ZNF385D: variants seen among roughly 807,000 people sequenced by gnomAD.
ZNF385D encodes the protein zinc finger protein 659.
In ZNF385D, 15 loss-of-function variants were observed where a neutral mutation model predicts 35.8. The observed-to-expected ratio is 0.42, with a 90% confidence interval of 0.28 to 0.64. The LOEUF (loss-of-function observed/expected upper bound fraction) is 0.64. Among genes scored for constraint, ZNF385D ranks in the 30% least tolerant of loss-of-function variants. The pLI is 0.23. For synonymous variants in ZNF385D, 212 were observed against 186.8 expected, an observed-to-expected ratio of 1.13 and a Z score of -1.10; for missense variants, 474 against 494.6, an observed-to-expected ratio of 0.96 and a Z score of 0.39.
chr3:21,890,384 C>T (rs531805635), intron 3 of ZNF385D, among the ~76,000 whole-genome samples: 33 of 152,136 alleles, frequency 2.2e-4, no homozygotes, highest in African/African-American at 7.9e-4. Flanking sequence ...TTTGGGAGGC[C>T]GAGGCGGGCA....
At chr3:22,058,647 A>G (rs1699536640) in intron 3 of ZNF385D, among the ~76,000 whole-genome samples, 1 of 152,250 alleles carries the variant, frequency 6.6e-6, no homozygotes, top group Non-Finnish European at 1.5e-5. Context: ...ATTGATGCCT[A>G]AATGAAAAAA....
chr3:21,425,715 A>T, intron 5 of ZNF385D, 45 bp from the exon 6 acceptor site: 1 of 1,487,008 alleles, frequency 6.7e-7, no homozygotes, highest in East Asian at 2.4e-5. Context: ...GGGAGGAAAG[A>T]AGGGAGGGAG....
At position 21,581,357 on chromosome 3, in the gene ZNF385D, G is replaced by A. The variant is rs114930836; in HGVS notation, c.166-16673C>T. Among the ~76,000 whole-genome samples, 1,127 of 152,120 alleles carry A rather than the reference G, an allele frequency of 7.4e-3. 12 individuals carry two copies. Among genetic ancestry groups the A allele is most frequent in the African/African-American group, 0.026 (1,063 of 41,508 alleles). On this transcript the variant is annotated intron_variant, in intron 2 of 7. Transcript: ENST00000281523. ...AAGACTTCCTCTAGTCTCTAGAGTC[G>A]GCAAAGCTAATACAGTCCTTCAAGG...
intron 1 of ZNF385D, among the ~76,000 whole-genome samples, chr3:21,689,594 T>C (rs2067216647): frequency 6.6e-6 from 1 of 152,144 alleles, no homozygotes; most frequent in Admixed American, 6.6e-5. Flanking sequence ...GTATCAATCT[T>C]TGAAAACCTG....
chr3:21,771,790 A>T (rs1368022879), intron 3 of ZNF385D, among the ~76,000 whole-genome samples: 1 of 151,934 alleles, frequency 6.6e-6, no homozygotes, highest in Non-Finnish European at 1.5e-5. Context: ...TCTTGAAAAT[A>T]AATAACAAAG....
At chr3:21,895,115 T>C (rs149298410) in intron 3 of ZNF385D, among the ~76,000 whole-genome samples, 79 of 152,048 alleles carry the variant, frequency 5.2e-4, no homozygotes, top group African/African-American at 1.8e-3. Context: ...AGCAAAGACA[T>C]GCATGTTCCA....
chr3:22,093,241 AT>A (rs1700020199), intron 3 of ZNF385D, among the ~76,000 whole-genome samples: 1 of 152,098 alleles, frequency 6.6e-6, no homozygotes, highest in African/African-American at 2.4e-5. Context: ...GAAATAAAAC[AT>A]TTTTTAGAAA....
chr3:22,023,665 T>TC (rs1697358424), intron 3 of ZNF385D, among the ~76,000 whole-genome samples: 1 of 152,138 alleles, frequency 6.6e-6, no homozygotes, highest in Non-Finnish European at 1.5e-5. Context: ...CAATGCTTTT[T>TC]TTTTTATCAA....
In ZNF385D at chr3:21,933,878, A is replaced by G. The variant is rs185497762; in HGVS notation, c.325+234939T>C. Among the ~76,000 whole-genome samples the G allele has an allele frequency of 2.1e-4, 32 of 152,274 alleles. No individual in the cohort carries two copies. The East Asian group carries it at 6.2e-3, about 29-fold the overall frequency. On this transcript the variant is annotated intron_variant, in intron 3 of 5. Coordinates refer to the ZNF385D transcript ENST00000494108. ...TCTCAAGTCCAAAAGGGAGTTAATTACACTTAAATCATAAGACTGCCAGGA... is the reference window on the plus strand; with the variant it reads ...TCTCAAGTCCAAAAGGGAGTTAATTGCACTTAAATCATAAGACTGCCAGGA...
intron 3 of ZNF385D, among the ~76,000 whole-genome samples, chr3:22,151,540 A>G (rs1036262781): frequency 4.5e-4 from 68 of 152,240 alleles, no homozygotes; most frequent in African/African-American, 1.6e-3. Flanking sequence ...GGTTCTCCAG[A>G]CAAACAAACC....
chr3:21,427,617 T>C (rs1050694661), intron 5 of ZNF385D, among the ~76,000 whole-genome samples: 40 of 152,170 alleles, frequency 2.6e-4, no homozygotes, highest in African/African-American at 9.4e-4. Flanking sequence ...TTGGCCCCAG[T>C]AGTAGGGCTT....
chr3:22,131,884 A>C (rs2125687311), intron 3 of ZNF385D, among the ~76,000 whole-genome samples: 1 of 152,304 alleles, frequency 6.6e-6, no homozygotes, highest in Non-Finnish European at 1.5e-5. Flanking sequence ...TAATATGATT[A>C]TTTTGTAGCA....
At chr3:22,027,778 A>G (rs1241916968) in intron 3 of ZNF385D, among the ~76,000 whole-genome samples, 1 of 152,170 alleles carries the variant, frequency 6.6e-6, no homozygotes, top group Non-Finnish European at 1.5e-5. Flanking sequence ...TCAAATGCCC[A>G]TGGTCTCCAC....
At chr3:21,642,935 T>G (rs1416736873) in intron 2 of ZNF385D, among the ~76,000 whole-genome samples, 2 of 152,010 alleles carry the variant, frequency 1.3e-5, no homozygotes, top group Non-Finnish European at 2.9e-5. Flanking sequence ...TGCCAGGGTC[T>G]CGGGAGAGGG....
chr3:21,746,704 C>T (rs535567259), intron 1 of ZNF385D, among the ~76,000 whole-genome samples: 2 of 152,186 alleles, frequency 1.3e-5, no homozygotes, highest in African/African-American at 4.8e-5. Context: ...TAGAAATAGT[C>T]GAGTGGACCT....
At chr3:21,957,057 G>A (rs1843634) in intron 3 of ZNF385D, 104,326 of 153,398 alleles carry the variant, frequency 0.68, 36,699 homozygotes, top group Non-Finnish European at 0.77. Context: ...ATGATAGTGA[G>A]TAAGTCTCAC....
intron 1 of ZNF385D, among the ~76,000 whole-genome samples, chr3:21,670,661 C>T (rs1559505419): frequency 0.057 from 2,985 of 52,138 alleles, 910 homozygotes; most frequent in African/African-American, 0.22. Context: ...CCCCCCCCCC[C>T]CCCCCCCCCC....
intron 4 of ZNF385D, 36 bp from the exon 5 acceptor site, chr3:21,437,239 A>G (rs371835432): frequency 6.4e-7 from 1 of 1,566,748 alleles, no homozygotes; most frequent in Non-Finnish European, 8.7e-7. Context: ...AGGGGGAAAA[A>G]CAATGGTATT....
intron 2 of ZNF385D, among the ~76,000 whole-genome samples, chr3:22,301,467 A>G (rs1022361165): frequency 2.0e-5 from 3 of 152,110 alleles, no homozygotes; most frequent in African/African-American, 7.2e-5. Context: ...ACAGTAATGC[A>G]TATTTGATCA....
Sources: allele counts gnomAD v4.1 joint callset (sites outside exome capture counted in the v4.1 genomes callset), GRCh38; gene constraint gnomAD v4.1.1; transcripts MANE v1.5; gene names NCBI Gene and HGNC (gene_info 2026-07-23, HGNC 2026-07-21).